Variants in COL4A5 observed in about 807,000 individuals in gnomAD.
COL4A5 encodes the protein collagen alpha-5(IV) chain.
In COL4A5, 26 loss-of-function variants were observed where a neutral mutation model predicts 130.2. The ratio of observed to expected loss-of-function variants is 0.20; its 90% CI spans 0.15 to 0.28. The LOEUF is 0.28. Among genes scored for constraint, COL4A5 ranks in the 10% least tolerant of loss-of-function variants. COL4A5 has a pLI of 1.00. For missense variants in COL4A5, 1,131 were observed against 1,344.3 expected, an observed-to-expected ratio of 0.84 and a Z score of 2.48; for synonymous variants, 496 against 439.6, an observed-to-expected ratio of 1.13 and a Z score of -1.60.
intron 24 of COL4A5, among the ~76,000 whole-genome samples, chrX:108,598,023 T>C (rs952953845): frequency 1.8e-5 from 2 of 109,908 alleles, no homozygotes; most frequent in African/African-American, 6.6e-5. Flanking sequence ...AAACCCTGTC[T>C]CTACTAAAAA....
intron 47 of COL4A5, 86 bp from the exon 48 acceptor site, chrX:108,685,945 G>A: frequency 5.1e-6 from 4 of 784,343 alleles, no homozygotes; most frequent in Non-Finnish European, 7.7e-6. Context: ...TGTGAATTCA[G>A]TGTCTCGAGA....
chrX:108,664,030 C>A (rs760278035), intron 37 of COL4A5, among the ~76,000 whole-genome samples: 1 of 111,283 alleles, frequency 9.0e-6, no homozygotes, highest in Non-Finnish European at 1.9e-5. Flanking sequence ...ACTAAAATTA[C>A]AGAAATTAGC....
chrX:108,506,324 C>A (rs1229092682), intron 1 of COL4A5, among the ~76,000 whole-genome samples: 5 of 103,576 alleles, frequency 4.8e-5, no homozygotes, highest in Non-Finnish European at 5.9e-5. Context: ...TTTTTTCCCA[C>A]TAGCCTTTTA....
At chrX:108,579,637 A>C (rs1395039498) in intron 13 of COL4A5, among the ~76,000 whole-genome samples, 2 of 112,075 alleles carry the variant, frequency 1.8e-5, no homozygotes, top group African/African-American at 6.5e-5. Context: ...GAAATTAGAT[A>C]TATTTTTAAA....
intron 44 of COL4A5, among the ~76,000 whole-genome samples, chrX:108,678,427 G>C (rs2068352352): frequency 9.0e-6 from 1 of 111,453 alleles, no homozygotes; most frequent in Admixed American, 9.6e-5. Flanking sequence ...CTATAAATAT[G>C]CATATTTCCA....
chrX:108,533,815 G>A (rs1216472393), intron 1 of COL4A5, among the ~76,000 whole-genome samples: 1 of 110,584 alleles, frequency 9.0e-6, no homozygotes, highest in Non-Finnish European at 1.9e-5. Flanking sequence ...GAATACAAAA[G>A]GAACTCAAAC....
rs1302582927 is a variant in COL4A5, at chrX:108,680,975, G to T, written c.4087+19G>T. ...CCTCCAGGTAAGACTTATTCCTGAA[G>T]ATAGTTATACCTGATACTTAGATGC... On this transcript the variant is annotated intron_variant, in intron 46 of 52. Coordinates refer to ENST00000328300, the MANE Select transcript of COL4A5 (RefSeq NM_033380.3). 1.7e-6 allele frequency: 2 copies of T among 1,157,012 alleles called. No individual in the cohort carries two copies. Among genetic ancestry groups the T allele is most frequent in the Non-Finnish European group, 2.4e-6 (2 of 845,851 alleles).
chrX:108,660,986 T>A (rs1407643987), intron 37 of COL4A5, among the ~76,000 whole-genome samples: 1 of 112,058 alleles, frequency 8.9e-6, no homozygotes, highest in African/African-American at 3.2e-5. Context: ...TAGGTTTAGT[T>A]ATACAAATAC....
chrX:108,656,728 G>T (rs2067849572), intron 37 of COL4A5, among the ~76,000 whole-genome samples: 1 of 111,274 alleles, frequency 9.0e-6, no homozygotes. Flanking sequence ...ATCTAATTGA[G>T]GTTTGAATTT....
intron 42 of COL4A5, among the ~76,000 whole-genome samples, chrX:108,671,595 A>G (rs2068208474): frequency 9.0e-6 from 1 of 111,694 alleles, no homozygotes; most frequent in African/African-American, 3.3e-5. Context: ...TTCAAATACA[A>G]CAAAGAAAAG....
chrX:108,591,451 A>G, intron 20 of COL4A5, 110 bp from the exon 21 acceptor site: 1 of 693,777 alleles, frequency 1.4e-6, no homozygotes, highest in Non-Finnish European at 2.3e-6. Context: ...GCTTATAGGT[A>G]CTTTTATTTC....
intron 2 of COL4A5, among the ~76,000 whole-genome samples, chrX:108,540,339 A>G (rs1176617578): frequency 8.9e-6 from 1 of 112,290 alleles, no homozygotes; most frequent in Non-Finnish European, 1.9e-5. Flanking sequence ...GGGGAAAAAC[A>G]CTTAAGAAGG....
chrX:108,514,837 C>A (rs1167701031), intron 1 of COL4A5, among the ~76,000 whole-genome samples: 1 of 111,661 alleles, frequency 9.0e-6, no homozygotes, highest in Non-Finnish European at 1.9e-5. Context: ...AAGGTTGTTA[C>A]ATTGCATATT....
chrX:108,655,251 G>T, intron 36 of COL4A5, 80 bp from the exon 37 acceptor site: 2 of 1,106,583 alleles, frequency 1.8e-6, no homozygotes, highest in South Asian at 1.9e-5. Flanking sequence ...TATAATAAAA[G>T]CTCTATAAAT....
At position 108,665,959 on chromosome X, in the gene COL4A5, C is replaced by T. The variant is rs113190759; in HGVS notation, c.3454+372C>T. 5.9e-3 allele frequency among the ~76,000 whole-genome samples: 642 copies of T among 109,705 alleles called. 2 individuals carry two copies. The highest frequency in any genetic ancestry group is 0.035 in the East Asian group (122 of 3,453). ...CCCAGCTACTTCGGAGGTTAAGGCA[C>T]GAGAAGTGCTTGAACCCAAGGGGTG... On this transcript the variant is annotated intron_variant, in intron 38 of 52. Coordinates refer to ENST00000328300, the MANE Select transcript of COL4A5 (RefSeq NM_033380.3).
intron 42 of COL4A5, among the ~76,000 whole-genome samples, chrX:108,673,726 T>C (rs1043858945): frequency 9.3e-6 from 1 of 107,362 alleles, no homozygotes; most frequent in African/African-American, 3.4e-5. Flanking sequence ...GCAAGTACTA[T>C]AATAATAATA....
At chrX:108,580,660 G>A in intron 14 of COL4A5, 22 bp from the exon 15 acceptor site, 1 of 1,207,623 alleles carries the variant, frequency 8.3e-7, no homozygotes, top group Non-Finnish European at 1.1e-6. Flanking sequence ...GAACCATTGT[G>A]AAACTATTTT....
intron 32 of COL4A5, 108 bp from the exon 33 acceptor site, chrX:108,622,568 G>T (rs767946816): frequency 1.2e-6 from 1 of 831,843 alleles, no homozygotes; most frequent in Admixed American, 2.3e-5. Context: ...TAAATGTTTT[G>T]AGTGGCCAGT....
intron 1 of COL4A5, among the ~76,000 whole-genome samples, chrX:108,453,694 A>C (rs2064553595): frequency 8.9e-6 from 1 of 111,838 alleles, no homozygotes; most frequent in Non-Finnish European, 1.9e-5. Context: ...TTTACATGAA[A>C]GTGATTAATG....
Sources: gnomAD v4.1 joint callset for allele counts (sites outside exome capture counted in the v4.1 genomes callset) on GRCh38, gnomAD v4.1.1 for gene constraint, MANE v1.5 for transcripts, NCBI Gene and HGNC (gene_info 2026-07-23, HGNC 2026-07-21) for gene names.